OTUD7B: variants seen among roughly 807,000 people sequenced by gnomAD.
OTUD7B encodes OTU domain-containing protein 7B.
A neutral mutation model predicts 82.2 loss-of-function variants in OTUD7B; 34 were observed. The observed-to-expected ratio is 0.41, with a 90% CI of 0.31 to 0.55. The LOEUF (loss-of-function observed/expected upper bound fraction) is 0.55. Among genes scored for constraint, OTUD7B ranks in the 20% least tolerant of loss-of-function variants. The pLI, the probability that OTUD7B is intolerant of heterozygous loss-of-function variation, is 0.20. For missense variants in OTUD7B, 944 were observed against 1,062.1 expected, an observed-to-expected ratio of 0.89 and a Z score of 1.55; for synonymous variants, 398 against 402.7, an observed-to-expected ratio of 0.99 and a Z score of 0.14.
At chr1:149,975,183 T>C (rs1650222169) in intron 2 of OTUD7B, among the ~76,000 whole-genome samples, 1 of 152,212 alleles carries the variant, frequency 6.6e-6, no homozygotes, top group Admixed American at 6.5e-5. Flanking sequence ...TGCTCCTACT[T>C]GTCCTTCAGG....
the OTUD7B span, chr1:150,053,833 T>C: frequency 7.7e-6 from 2 of 260,992 alleles, no homozygotes; most frequent in Non-Finnish European, 1.4e-5. Context: ...ATGGCCATTA[T>C]TAAAAAGTCA....
chr1:149,973,849 C>T (rs1167564327), intron 2 of OTUD7B, among the ~76,000 whole-genome samples: 1 of 122,684 alleles, frequency 8.2e-6, no homozygotes, highest in Non-Finnish European at 1.6e-5. Flanking sequence ...TCCTTTTATG[C>T]CCCTTCTAAT....
intron 1 of OTUD7B, among the ~76,000 whole-genome samples, chr1:149,983,227 A>G (rs1650906987): frequency 6.6e-6 from 1 of 152,098 alleles, no homozygotes; most frequent in Admixed American, 6.5e-5. Flanking sequence ...TTAATTCAAC[A>G]GAAGTATTTG....
chr1:149,964,501 G>C, intron 5 of OTUD7B, 152 bp from the exon 6 acceptor site: 1 of 614,892 alleles, frequency 1.6e-6, no homozygotes, highest in Non-Finnish European at 2.8e-6. Flanking sequence ...CAAAGTGCTG[G>C]GATTATAGGT....
intron 1 of OTUD7B, among the ~76,000 whole-genome samples, chr1:149,989,316 T>C (rs1651397252): frequency 6.6e-6 from 1 of 151,600 alleles, no homozygotes; most frequent in Non-Finnish European, 1.5e-5. Flanking sequence ...TCACTAAAAA[T>C]ACAAAAATTA....
the OTUD7B span, among the ~76,000 whole-genome samples, chr1:150,051,118 A>G: frequency 6.7e-6 from 1 of 150,174 alleles, no homozygotes; most frequent in East Asian, 2.0e-4. Context: ...AATCCCAGCT[A>G]CTCGGGTGGC....
chr1:149,992,259 A>G (rs1157593759), intron 1 of OTUD7B, among the ~76,000 whole-genome samples: 1 of 152,052 alleles, frequency 6.6e-6, no homozygotes, highest in East Asian at 1.9e-4. Flanking sequence ...CCAAAACCAA[A>G]TAATCATTTA....
intron 1 of OTUD7B, among the ~76,000 whole-genome samples, chr1:149,982,346 G>C (rs1419137304): frequency 6.6e-6 from 1 of 152,024 alleles, no homozygotes; most frequent in Non-Finnish European, 1.5e-5. Context: ...ACTAGGGGAT[G>C]CATTACTGAT....
the OTUD7B span, among the ~76,000 whole-genome samples, chr1:150,047,364 C>CG: frequency 2.6e-5 from 4 of 152,178 alleles, no homozygotes; most frequent in African/African-American, 9.7e-5. Flanking sequence ...CATCTCAACA[C>CG]TCCCCCCAAC....
the OTUD7B span, among the ~76,000 whole-genome samples, chr1:150,049,388 G>C: frequency 1.3e-5 from 2 of 152,106 alleles, no homozygotes; most frequent in African/African-American, 4.8e-5. Context: ...ATCGTGGTTA[G>C]TCAGGATGTT....
chr1:150,022,394 TACAAAAA>T, the OTUD7B span, among the ~76,000 whole-genome samples: 1 of 116,824 alleles, frequency 8.6e-6, no homozygotes, highest in African/African-American at 3.3e-5. Flanking sequence ...CGAAACTCTC[TACAAAAA>T]AAAAAAAAAA....
the OTUD7B span, among the ~76,000 whole-genome samples, chr1:150,022,692 C>T: frequency 3.9e-5 from 6 of 152,294 alleles, no homozygotes; most frequent in Non-Finnish European, 8.8e-5. Flanking sequence ...CTTCTGCAAG[C>T]CACTACAACA....
rs1475879958 is a variant in OTUD7B, at chr1:149,973,525, G to A, written c.86-2274C>T. Among the ~76,000 whole-genome samples, 3 of 152,276 alleles carry A rather than the reference G, an allele frequency of 2.0e-5. No individual in the cohort carries two copies. In the South Asian group the frequency reaches 6.2e-4, roughly 32 times the overall value. On this transcript the variant is annotated intron_variant, in intron 2 of 11. Transcript: ENST00000581312. ...TTTTGAGATGGAGTCTTGCTGTGTC[G>A]CCCAGGCTGGGGTGCAGTGGCACGA...
intron 1 of OTUD7B, among the ~76,000 whole-genome samples, chr1:149,990,951 A>T (rs1651524643): frequency 6.6e-6 from 1 of 150,984 alleles, no homozygotes; most frequent in Non-Finnish European, 1.5e-5. Context: ...AGATCGCGCC[A>T]TTGCACTCCA....
intron 6 of OTUD7B, chr1:149,961,906 A>T (rs1007272134): frequency 1.2e-4 from 18 of 152,226 alleles, no homozygotes; most frequent in African/African-American, 4.3e-4. Context: ...GATAAGGGAA[A>T]TAAGTTTAAC....
intron 5 of OTUD7B, among the ~76,000 whole-genome samples, chr1:149,965,324 C>G (rs1649456042): frequency 6.6e-6 from 1 of 152,060 alleles, no homozygotes; most frequent in African/African-American, 2.4e-5. Context: ...TGAGATCACA[C>G]CACTGTACTC....
intron 7 of OTUD7B, among the ~76,000 whole-genome samples, chr1:149,952,394 G>T (rs1272198631): frequency 6.6e-6 from 1 of 152,062 alleles, no homozygotes; most frequent in African/African-American, 2.4e-5. Context: ...CTTCTTTATG[G>T]CTGCATAGTA....
At chr1:150,000,393 T>G (rs587740224) in intron 1 of OTUD7B, among the ~76,000 whole-genome samples, 1 of 152,110 alleles carries the variant, frequency 6.6e-6, no homozygotes, top group East Asian at 1.9e-4. Context: ...GACAATCACT[T>G]GAACGCTGGA....
the OTUD7B span, among the ~76,000 whole-genome samples, chr1:150,063,787 T>C: frequency 6.6e-6 from 1 of 152,244 alleles, no homozygotes; most frequent in African/African-American, 2.4e-5. Context: ...ACCATAAAGC[T>C]CAGCACATCA....
Sources: allele counts gnomAD v4.1 joint callset (sites outside exome capture counted in the v4.1 genomes callset), GRCh38; gene constraint gnomAD v4.1.1; transcripts MANE v1.5; gene names NCBI Gene and HGNC (gene_info 2026-07-23, HGNC 2026-07-21).